The following ATXN10 variants were observed in gnomAD, a reference collection of about 807,000 sequenced individuals.
The protein encoded by ATXN10 is ataxin 10.
A neutral mutation model predicts 52.9 loss-of-function variants in ATXN10; 28 were observed. The observed-to-expected ratio is 0.53, with a 90% confidence interval of 0.39 to 0.73. The LOEUF (loss-of-function observed/expected upper bound fraction) is 0.73. ATXN10 is among the 30% of genes least tolerant of loss of function. The pLI is 0.00. For synonymous variants in ATXN10, 226 were observed against 221.5 expected (o/e 1.02, Z -0.18); for missense variants, 565 against 577.0 (o/e 0.98, Z 0.21).
At position 45,738,849 on chromosome 22, in the gene ATXN10, A is replaced by G. The variant is rs765702415; in HGVS notation, c.1003+10A>G. 7.1e-5 allele frequency: 114 copies of G among 1,596,346 alleles called. No homozygotes were observed. The highest frequency in any genetic ancestry group is 9.4e-5 in the Non-Finnish European group (109 of 1,163,962). On this transcript the variant is annotated intron_variant, in intron 8 of 11. Coordinates refer to ENST00000252934, the MANE Select transcript of ATXN10 (RefSeq NM_013236.4). The stretch of plus-strand genomic sequence containing the variant: ...CTGGAAAGAGTGATTGGTGAGTGAA[A>G]TATCACACATTGTATTTTTAGCTAA...
At position 45,708,951 on chromosome 22, in the gene ATXN10, A is replaced by G. The variant is rs1924141386; in HGVS notation, c.647+6104A>G. Among the ~76,000 whole-genome samples, 1 of 152,038 alleles carries G rather than the reference A, an allele frequency of 6.6e-6. No homozygotes were observed. Among genetic ancestry groups the G allele is most frequent in the Admixed American group, 6.6e-5 (1 of 15,258 alleles). Reference sequence around the variant, plus strand: ...ACCGTGCCCACCTAAACTTTTATTAATCCATTGAACTTTTTACCCAGTTTC... The same window carrying G: ...ACCGTGCCCACCTAAACTTTTATTAGTCCATTGAACTTTTTACCCAGTTTC... On this transcript the variant is annotated intron_variant, in intron 5 of 11. Transcript: ENST00000252934. This position sits in a 1 kb window ranked among gnomAD's most constrained non-coding sequence, Gnocchi z 5.3.
At chr22:45,809,636 C>G (rs931941236) in intron 10 of ATXN10, among the ~76,000 whole-genome samples, 3 of 152,174 alleles carry the variant, frequency 2.0e-5, no homozygotes, top group Non-Finnish European at 4.4e-5. Context: ...CATCCCGTTC[C>G]CTGTTGCCCA....
intron 9 of ATXN10, among the ~76,000 whole-genome samples, chr22:45,748,837 AC>A (rs1223433658): frequency 7.2e-5 from 11 of 152,218 alleles, no homozygotes; most frequent in Non-Finnish European, 1.0e-4. Context: ...CCCTGAACTT[AC>A]AGTTCCTGTA....
Position 45,693,004 on chromosome 22 carries a change from A to G in ATXN10, c.317A>G (p.Asp106Gly), listed in dbSNP as rs1378356268. Reference sequence around the variant, plus strand: ...TTTTTTAAAAAACCCAGGAACTTGGATACGATTGGTGTTGCTGTTGATTTG... The same window carrying G: ...TTTTTTAAAAAACCCAGGAACTTGGGTACGATTGGTGTTGCTGTTGATTTG... ...SVNQNSIRNLDTIGVAVDLIL... is the reference protein window; with the variant it reads ...SVNQNSIRNLGTIGVAVDLIL... The change falls in exon 3 of 12, where the codon GAT becomes GGT. Residue 106 changes from aspartate (D) to glycine (G), a missense_variant. Coordinates refer to ENST00000252934, the MANE Select transcript of ATXN10 (RefSeq NM_013236.4). The G allele has an allele frequency of 2.5e-6, 4 of 1,613,978 alleles. 1 individual carries two copies. Among genetic ancestry groups the G allele is most frequent in the East Asian group, 2.2e-5 (1 of 44,876 alleles).
intron 5 of ATXN10, among the ~76,000 whole-genome samples, chr22:45,713,636 T>C (rs968621451): frequency 2.0e-5 from 3 of 152,210 alleles, no homozygotes; most frequent in African/African-American, 7.2e-5. Flanking sequence ...TTTGCCTGTA[T>C]ATATTGCTTA....
At position 45,783,934 on chromosome 22, in the gene ATXN10, A is replaced by T. The variant is rs1927236733; in HGVS notation, c.1174-23025A>T. Among the ~76,000 whole-genome samples, 1 of 151,934 alleles carries T rather than the reference A, an allele frequency of 6.6e-6. No individual in the cohort carries two copies. The highest frequency in any genetic ancestry group is 1.5e-5 in the Non-Finnish European group (1 of 67,996). ...GGCTGGTGAGAGTTTGGCACTTGAGATGTCTTCCTAGGTCTGCTGAGGCTG... is the reference window on the plus strand; with the variant it reads ...GGCTGGTGAGAGTTTGGCACTTGAGTTGTCTTCCTAGGTCTGCTGAGGCTG... On this transcript the variant is annotated intron_variant, in intron 9 of 11. Transcript: ENST00000252934. This position sits in a 1 kb window ranked among gnomAD's most constrained non-coding sequence, Gnocchi z 5.0.
rs1226065626 is a variant in ATXN10, at chr22:45,712,804, T to C, written c.648-5609T>C. 6.6e-6 allele frequency among the ~76,000 whole-genome samples: 1 copy of C among 152,210 alleles called. No individual in the cohort carries two copies. Among genetic ancestry groups the C allele is most frequent in the African/African-American group, 2.4e-5 (1 of 41,470 alleles). Reference sequence around the variant, plus strand: ...CACGTTTAACCCGTTGGAAATGTTATTTAACTCTTTTAACAGGAGAAGGGA... The same window carrying C: ...CACGTTTAACCCGTTGGAAATGTTACTTAACTCTTTTAACAGGAGAAGGGA... On this transcript the variant is annotated intron_variant, in intron 5 of 11. Coordinates refer to ENST00000252934, the MANE Select transcript of ATXN10 (RefSeq NM_013236.4). The surrounding 1 kb of genome is among the most constrained non-coding windows in gnomAD (Gnocchi z 4.6).
rs149758322 is a variant in ATXN10 at position 45,763,156 on chromosome 22, C to G, written c.1173+22618C>G. Among the ~76,000 whole-genome samples the G allele has an allele frequency of 4.8e-3, 728 of 152,300 alleles. 7 individuals are homozygous for G. The highest frequency in any genetic ancestry group is 0.017 in the African/African-American group (700 of 41,558). ...TCTGTGGCCTTCCTACCCCCTCTCC[C>G]TCACCCTGGTGACTCTCAGTTGGGG... On this transcript the variant is annotated intron_variant, in intron 9 of 11. Coordinates refer to ENST00000252934, the MANE Select transcript of ATXN10 (RefSeq NM_013236.4). This position sits in a 1 kb window ranked among gnomAD's most constrained non-coding sequence, Gnocchi z 6.9.
rs914308333 is a variant in ATXN10, at chr22:45,826,074, A to G, written c.1238-16917A>G. On this transcript the variant is annotated intron_variant, in intron 10 of 11. Transcript: ENST00000252934. This position sits in a 1 kb window ranked among gnomAD's most constrained non-coding sequence, Gnocchi z 5.0. ...CAGGCCCTGTCTCTAAATCAAAACA[A>G]AACAAAAAGCCCAATATGGACAAAA... Among the ~76,000 whole-genome samples, 4 of 152,186 alleles carry G rather than the reference A, an allele frequency of 2.6e-5. No individual in the cohort carries two copies. Among genetic ancestry groups the G allele is most frequent in the African/African-American group, 9.7e-5 (4 of 41,438 alleles).
chr22:45,695,324 CAA>C (rs1200143731), intron 3 of ATXN10, among the ~76,000 whole-genome samples: 25 of 78,088 alleles, frequency 3.2e-4, no homozygotes, highest in Middle Eastern at 0.011. Context: ...GACTCCACCT[CAA>C]AAAAAAAAAA....
intron 9 of ATXN10, among the ~76,000 whole-genome samples, chr22:45,777,506 G>T (rs1927001298): frequency 6.6e-6 from 1 of 152,196 alleles, no homozygotes; most frequent in Non-Finnish European, 1.5e-5. Flanking sequence ...TTATTGTCCT[G>T]TCTGATGATT....
In ATXN10 at chr22:45,790,128, C is replaced by G. The variant is rs540195059; in HGVS notation, c.1174-16831C>G. Among the ~76,000 whole-genome samples, 8 of 152,154 alleles carry G rather than the reference C, an allele frequency of 5.3e-5. No homozygotes were observed. The highest frequency in any genetic ancestry group is 7.3e-5 in the Non-Finnish European group (5 of 68,036). ...AAGGCATTAAAGTCCAATTCTCTTG[C>G]CCATGTGTGTTCAAATAAATTGAAA... is the stretch of plus-strand genomic sequence containing the variant. On this transcript the variant is annotated intron_variant, in intron 9 of 11. Coordinates refer to ENST00000252934, the MANE Select transcript of ATXN10 (RefSeq NM_013236.4). This position sits in a 1 kb window ranked among gnomAD's most constrained non-coding sequence, Gnocchi z 4.7.
Position 45,828,358 on chromosome 22 carries a change from A to G in ATXN10, c.1238-14633A>G, listed in dbSNP as rs577036804. On this transcript the variant is annotated intron_variant, in intron 10 of 11. Coordinates refer to ENST00000252934, the MANE Select transcript of ATXN10 (RefSeq NM_013236.4). The surrounding 1 kb of genome is among the most constrained non-coding windows in gnomAD (Gnocchi z 4.5). ...AATAAGAAAGTTCAAAGAACTAGATAAGGACATAGAAAAAGTAAACCCAAA... is the reference window on the plus strand; with the variant it reads ...AATAAGAAAGTTCAAAGAACTAGATGAGGACATAGAAAAAGTAAACCCAAA... 6.6e-6 allele frequency among the ~76,000 whole-genome samples: 1 copy of G among 152,260 alleles called. No individual in the cohort carries two copies. Among genetic ancestry groups the G allele is most frequent in the South Asian group, 2.1e-4 (1 of 4,824 alleles).
rs948156354 is a variant in ATXN10 at position 45,800,836 on chromosome 22, C to T, written c.1174-6123C>T. Among the ~76,000 whole-genome samples, 8 of 152,112 alleles carry T rather than the reference C, an allele frequency of 5.3e-5. No homozygotes were observed. In the South Asian group the frequency reaches 1.0e-3, roughly 20 times the overall value. ...CATTAAACCCATTTGTGTTATAGAA[C>T]GGACAAAATTTACCTGTAATGACAG... On this transcript the variant is annotated intron_variant, in intron 9 of 11. Coordinates refer to ENST00000252934, the MANE Select transcript of ATXN10 (RefSeq NM_013236.4).
In ATXN10 at chr22:45,823,418, T is replaced by G; in HGVS notation, c.1237+16396T>G. The G allele has an allele frequency of 3.5e-6, 1 of 287,150 alleles. No homozygotes were observed. The highest frequency in any genetic ancestry group is 3.0e-5 in the South Asian group (1 of 33,286). The allele number at this position is 287,150 out of a possible 1,614,324, so 17.8% of individuals were successfully genotyped here. On this transcript the variant is annotated intron_variant, in intron 10 of 11. Transcript: ENST00000252934. The surrounding 1 kb of genome is among the most constrained non-coding windows in gnomAD (Gnocchi z 4.9). ...AATTGTAATTATTTATGATGTACAG[T>G]AGGGATTCTGTCTTTTTTTAATTTC...
At position 45,837,530 on chromosome 22, in the gene ATXN10, G is replaced by A. The variant is rs1324107090; in HGVS notation, c.1238-5461G>A. Among the ~76,000 whole-genome samples the A allele has an allele frequency of 6.6e-6, 1 of 152,212 alleles. No individual in the cohort carries two copies. Among genetic ancestry groups the A allele is most frequent in the Non-Finnish European group, 1.5e-5 (1 of 68,044 alleles). On this transcript the variant is annotated intron_variant, in intron 10 of 11. Transcript: ENST00000252934. This position sits in a 1 kb window ranked among gnomAD's most constrained non-coding sequence, Gnocchi z 5.8. Reference sequence around the variant, plus strand: ...GCCTGCCTCAGCCTCCCAAAGTGTTGGGATTACAGGCGTGAGCCACTATGC... The same window carrying A: ...GCCTGCCTCAGCCTCCCAAAGTGTTAGGATTACAGGCGTGAGCCACTATGC...
At position 45,702,724 on chromosome 22, in the gene ATXN10, C is replaced by T. The variant is rs750728816; in HGVS notation, c.524C>T (p.Ala175Val). 3 of 1,613,770 alleles carry T rather than the reference C, an allele frequency of 1.9e-6. No individual in the cohort carries two copies. In the African/African-American group the frequency reaches 4.0e-5, roughly 22 times the overall value. The change falls in exon 5 of 12, where the codon GCC becomes GTC. Residue 175 changes from alanine (A) to valine (V), a missense_variant. Transcript: ENST00000252934. ...AATCATCCGGACAAAAAAATTGTTGCCTACTCTTCAATGATTTTGTTTACA... is the reference window on the plus strand; with the variant it reads ...AATCATCCGGACAAAAAAATTGTTGTCTACTCTTCAATGATTTTGTTTACA... ...CLNHPDKKIV[A>V]YSSMILFTSL...
rs180999074 is a variant in ATXN10 at position 45,816,858 on chromosome 22, A to G, written c.1237+9836A>G. 6.6e-6 allele frequency among the ~76,000 whole-genome samples: 1 copy of G among 152,270 alleles called. No homozygotes were observed. The highest frequency in any genetic ancestry group is 2.4e-5 in the African/African-American group (1 of 41,560). On this transcript the variant is annotated intron_variant, in intron 10 of 11. Transcript: ENST00000252934. This position sits in a 1 kb window ranked among gnomAD's most constrained non-coding sequence, Gnocchi z 5.8. Reference sequence around the variant, plus strand: ...TCTTTGGGAATGCAGGAATCTTAGAATAAATGTAGGAACATGTTCTGTTCT... The same window carrying G: ...TCTTTGGGAATGCAGGAATCTTAGAGTAAATGTAGGAACATGTTCTGTTCT...
chr22:45,776,274 A>G (rs1926951643), intron 9 of ATXN10, among the ~76,000 whole-genome samples: 1 of 152,158 alleles, frequency 6.6e-6, no homozygotes, highest in African/African-American at 2.4e-5. Context: ...TGCTTTGTTA[A>G]TAACAACCAA....
Sources: allele counts gnomAD v4.1 joint callset (sites outside exome capture counted in the v4.1 genomes callset), GRCh38; gene constraint gnomAD v4.1.1; non-coding constraint Gnocchi (gnomAD v3.1); transcripts MANE v1.5; gene names NCBI Gene and HGNC (gene_info 2026-07-23, HGNC 2026-07-21).